Variants in SLC25A48 observed in about 807,000 individuals in gnomAD.
SLC25A48 encodes solute carrier family 25 member 48.
SLC25A48 carries 29 observed loss-of-function variants against 32.2 expected under a neutral mutation model. That is an observed-to-expected ratio of 0.90 (90% confidence interval 0.67 to 1.23). The LOEUF is 1.23. Ranked by LOEUF, SLC25A48 falls within the 50% of genes most tolerant of loss-of-function variation. The pLI, the probability that SLC25A48 is intolerant of heterozygous loss-of-function variation, is 0.00. For synonymous variants in SLC25A48, 164 were observed against 172.3 expected (o/e 0.95, Z 0.38); for missense variants, 399 against 422.7 (o/e 0.94, Z 0.49).
intron 1 of SLC25A48, among the ~76,000 whole-genome samples, chr5:135,603,711 C>T (rs4568355): frequency 0.19 from 28,254 of 152,220 alleles, 2,727 homozygotes; most frequent in East Asian, 0.3. Context: ...GGGGGAAGGA[C>T]ACAGCTCCCC....
intron 6 of SLC25A48, among the ~76,000 whole-genome samples, chr5:135,879,601 A>T (rs879473431): frequency 0.039 from 5,220 of 133,378 alleles, 124 homozygotes; most frequent in Non-Finnish European, 0.053. Context: ...AGAGAGAGAG[A>T]GAGAGAGAGA....
At chr5:135,809,290 C>T (rs572143510) in intron 3 of SLC25A48, among the ~76,000 whole-genome samples, 34 of 152,276 alleles carry the variant, frequency 2.2e-4, no homozygotes, top group African/African-American at 7.0e-4. Flanking sequence ...TAGAGCAAGA[C>T]TGTCTCTCTA....
intron 7 of SLC25A48, 74 bp from the exon 8 acceptor site, chr5:135,887,958 G>T (rs541305496): frequency 7.3e-7 from 1 of 1,375,208 alleles, no homozygotes; most frequent in South Asian, 1.2e-5. Context: ...GGAAGGGGTG[G>T]CCTGGTGTGA....
At chr5:135,678,169 G>A (rs892048842) in intron 3 of SLC25A48, among the ~76,000 whole-genome samples, 3 of 151,964 alleles carry the variant, frequency 2.0e-5, no homozygotes, top group Non-Finnish European at 4.4e-5. Context: ...ATTTTTTCAC[G>A]TTATGGTGTC....
chr5:135,643,113 G>A (rs914300341), intron 3 of SLC25A48, among the ~76,000 whole-genome samples: 2 of 152,212 alleles, frequency 1.3e-5, no homozygotes, highest in Non-Finnish European at 2.9e-5. Flanking sequence ...TATGTCAGCC[G>A]TCCCGTCACC....
chr5:135,688,784 G>A (rs140306447), intron 3 of SLC25A48, among the ~76,000 whole-genome samples: 216 of 152,286 alleles, frequency 1.4e-3, no homozygotes, highest in African/African-American at 5.0e-3. Context: ...TTGTACAATG[G>A]AGAGATGCTT....
chr5:135,799,858 A>G (rs1456257174), intron 3 of SLC25A48, among the ~76,000 whole-genome samples: 3 of 151,724 alleles, frequency 2.0e-5, no homozygotes, highest in Non-Finnish European at 4.4e-5. Context: ...CTCTTGTGAC[A>G]TTGTTCCTAA....
At chr5:135,590,041 C>G (rs573110847) in intron 1 of SLC25A48, among the ~76,000 whole-genome samples, 4 of 152,136 alleles carry the variant, frequency 2.6e-5, no homozygotes, top group African/African-American at 9.7e-5. Flanking sequence ...GAGGTAAATT[C>G]CCAGATTTGC....
intron 4 of SLC25A48, among the ~76,000 whole-genome samples, chr5:135,854,774 TTCACAA>T (rs1760169386): frequency 6.6e-6 from 1 of 152,262 alleles, no homozygotes; most frequent in African/African-American, 2.4e-5. Flanking sequence ...TTCCTTTGCA[TTCACAA>T]CCTGGCTAAC....
At chr5:135,837,611 G>A (rs1758644407) in intron 1 of SLC25A48, among the ~76,000 whole-genome samples, 1 of 152,098 alleles carries the variant, frequency 6.6e-6, no homozygotes, top group Non-Finnish European at 1.5e-5. Context: ...TTGAATCATG[G>A]GTACAGGCTT....
intron 3 of SLC25A48, among the ~76,000 whole-genome samples, chr5:135,751,118 G>T (rs549037028): frequency 2.8e-4 from 43 of 152,286 alleles, no homozygotes; most frequent in Middle Eastern, 3.4e-3. Context: ...CACCCAGCCC[G>T]TGCACTGGCT....
At chr5:135,803,823 G>A (rs1757394043) in intron 3 of SLC25A48, among the ~76,000 whole-genome samples, 1 of 151,560 alleles carries the variant, frequency 6.6e-6, no homozygotes, top group African/African-American at 2.4e-5. Flanking sequence ...ATATAACAGT[G>A]AGTGCACATC....
chr5:135,737,747 T>C (rs1246807215), intron 3 of SLC25A48, among the ~76,000 whole-genome samples: 3 of 152,192 alleles, frequency 2.0e-5, no homozygotes, highest in Non-Finnish European at 4.4e-5. Flanking sequence ...AAAGCTGCAA[T>C]GACTCGGATC....
chr5:135,806,057 G>T (rs1320592151), intron 3 of SLC25A48, among the ~76,000 whole-genome samples: 2 of 151,660 alleles, frequency 1.3e-5, no homozygotes, highest in South Asian at 2.1e-4. Context: ...ATAGCTTAGG[G>T]AGATATTATC....
intron 3 of SLC25A48, among the ~76,000 whole-genome samples, chr5:135,789,569 G>T (rs1472393865): frequency 6.7e-6 from 1 of 150,302 alleles, no homozygotes; most frequent in South Asian, 2.1e-4. Flanking sequence ...GTACAACCCT[G>T]TGCGATATGG....
intron 3 of SLC25A48, among the ~76,000 whole-genome samples, chr5:135,776,703 A>C (rs4513690): frequency 0.76 from 114,251 of 150,478 alleles, 43,946 homozygotes; most frequent in Middle Eastern, 0.87. Flanking sequence ...GTGTACACAC[A>C]CCCTGTGATA....
chr5:135,622,453 T>C (rs1388515622), intron 1 of SLC25A48, among the ~76,000 whole-genome samples: 1 of 152,242 alleles, frequency 6.6e-6, no homozygotes, highest in Non-Finnish European at 1.5e-5. Flanking sequence ...GTTAACTAAA[T>C]CATGGCCCAT....
chr5:135,676,353 T>C (rs1300886135), intron 3 of SLC25A48, among the ~76,000 whole-genome samples: 1 of 151,974 alleles, frequency 6.6e-6, no homozygotes, highest in African/African-American at 2.4e-5. Context: ...CCGATTTTAT[T>C]TACTTGAGTC....
intron 6 of SLC25A48, chr5:135,874,817 A>G: frequency 1.7e-6 from 1 of 574,886 alleles, no homozygotes; most frequent in Non-Finnish European, 3.1e-6. Flanking sequence ...TAATACACAG[A>G]TTCATCACCC....
Sources: gnomAD v4.1 joint callset for allele counts (sites outside exome capture counted in the v4.1 genomes callset) on GRCh38, gnomAD v4.1.1 for gene constraint, MANE v1.5 for transcripts, NCBI Gene and HGNC (gene_info 2026-07-23, HGNC 2026-07-21) for gene names.